The following SORCS2 variants were observed in gnomAD, a reference collection of about 807,000 sequenced individuals.
SORCS2 encodes VPS10 domain-containing receptor SorCS2.
SORCS2 carries 100 observed loss-of-function variants against 141.6 expected under a neutral mutation model. That is an observed-to-expected ratio of 0.71 (90% CI 0.60 to 0.83). SORCS2 has a LOEUF of 0.83. Ranked by LOEUF, SORCS2 falls within the 40% of genes least tolerant of loss-of-function variation. The pLI is 0.00. For missense variants in SORCS2, 1,646 were observed against 1,560.2 expected, an observed-to-expected ratio of 1.05 and a Z score of -0.93; for synonymous variants, 789 against 676.9, an observed-to-expected ratio of 1.17 and a Z score of -2.57.
Position 7,466,852 on chromosome 4 carries a change from C to T in SORCS2, c.549-64678C>T, listed in dbSNP as rs375235825. Among the ~76,000 whole-genome samples, 110 of 152,246 alleles carry T rather than the reference C, an allele frequency of 7.2e-4. 1 individual carries two copies. In the South Asian group the frequency reaches 0.02, roughly 27 times the overall value. On this transcript the variant is annotated intron_variant, in intron 2 of 26. Coordinates refer to ENST00000507866, the MANE Select transcript of SORCS2 (RefSeq NM_020777.3). ...TGGGAGGTCCTGGAACCTGGTTGGACGCTGTCACTTGACCTCTATTTGCCA... is the reference window on the plus strand; with the variant it reads ...TGGGAGGTCCTGGAACCTGGTTGGATGCTGTCACTTGACCTCTATTTGCCA...
At chr4:7,572,487 A>C (rs1715469606) in intron 3 of SORCS2, among the ~76,000 whole-genome samples, 1 of 152,192 alleles carries the variant, frequency 6.6e-6, no homozygotes, top group African/African-American at 2.4e-5. Context: ...TGAGAGCAAT[A>C]AGATATTCAA....
intron 1 of SORCS2, among the ~76,000 whole-genome samples, chr4:7,385,716 C>G (rs888097235): frequency 1.3e-5 from 2 of 152,208 alleles, no homozygotes; most frequent in Admixed American, 1.3e-4. Context: ...GAGGGACAGA[C>G]GCCAGCTCCA....
intron 3 of SORCS2, among the ~76,000 whole-genome samples, chr4:7,620,092 G>T (rs1425179005): frequency 6.6e-6 from 1 of 151,224 alleles, no homozygotes; most frequent in East Asian, 2.0e-4. Context: ...TCCTTCATCT[G>T]CTGGGCTGGG....
chr4:7,630,414 A>C (rs1332367818), intron 3 of SORCS2, among the ~76,000 whole-genome samples: 2 of 152,226 alleles, frequency 1.3e-5, no homozygotes, highest in Non-Finnish European at 2.9e-5. Context: ...CAACACTTGC[A>C]AATGTTTTGC....
chr4:7,324,860 T>G (rs190418212), intron 1 of SORCS2, among the ~76,000 whole-genome samples: 14 of 152,290 alleles, frequency 9.2e-5, no homozygotes, highest in Non-Finnish European at 2.1e-4. Context: ...GAGGGCGGTT[T>G]TGTCACTTCC....
intron 1 of SORCS2, among the ~76,000 whole-genome samples, chr4:7,239,772 G>A (rs190911626): frequency 5.3e-5 from 8 of 152,346 alleles, no homozygotes; most frequent in East Asian, 1.9e-4. Flanking sequence ...TCGGATGTTA[G>A]GGAAGTGAAT....
At chr4:7,394,746 C>G (rs1724095995) in intron 1 of SORCS2, among the ~76,000 whole-genome samples, 1 of 152,092 alleles carries the variant, frequency 6.6e-6, no homozygotes, top group Non-Finnish European at 1.5e-5. Flanking sequence ...GGGTGCGCCC[C>G]AAACCCAGCA....
In SORCS2 at chr4:7,740,730, G is replaced by C. The variant is rs1712603069; in HGVS notation, c.*466G>C. The C allele has an allele frequency of 3.2e-6, 1 of 308,568 alleles. No individual in the cohort carries two copies. Among genetic ancestry groups the C allele is most frequent in the African/African-American group, 2.1e-5 (1 of 47,148 alleles). 19.1% of individuals were successfully genotyped at this position (308,568 alleles called of 1,614,324 possible). On this transcript the variant is annotated 3_prime_UTR_variant, in exon 27 of 27. Transcript: ENST00000507866. ...TCACTCCCACCTGTGCGGCCACCCA[G>C]TCCCTCTGTGGGAGCCCGGGTGCCA...
At chr4:7,600,448 GC>G (rs1273095165) in intron 3 of SORCS2, among the ~76,000 whole-genome samples, 3 of 152,134 alleles carry the variant, frequency 2.0e-5, no homozygotes, top group Non-Finnish European at 4.4e-5. Flanking sequence ...CCCCACCCAA[GC>G]CCGCTGTGCT....
intron 26 of SORCS2, among the ~76,000 whole-genome samples, chr4:7,738,914 C>T (rs778126002): frequency 4.1e-4 from 63 of 152,142 alleles, no homozygotes; most frequent in Non-Finnish European, 7.2e-4. Flanking sequence ...GCCCCACCCC[C>T]GGTGGGGGTC....
intron 10 of SORCS2, 62 bp downstream of exon 10, chr4:7,682,951 A>G (rs1282516058): frequency 1.9e-6 from 3 of 1,564,012 alleles, no homozygotes; most frequent in Non-Finnish European, 1.7e-6. Flanking sequence ...TAACTTCAGT[A>G]ATCAAGAAGG....
intron 3 of SORCS2, among the ~76,000 whole-genome samples, chr4:7,601,153 T>G (rs1405327364): frequency 6.6e-6 from 1 of 152,226 alleles, no homozygotes; most frequent in East Asian, 1.9e-4. Context: ...ATAGACTGCT[T>G]AATGAAGTTT....
chr4:7,738,185 AG>A (rs1290633434), intron 26 of SORCS2, among the ~76,000 whole-genome samples: 1 of 152,172 alleles, frequency 6.6e-6, no homozygotes, highest in Non-Finnish European at 1.5e-5. Context: ...TCTCTGGATG[AG>A]GGGGGAAACT....
intron 3 of SORCS2, among the ~76,000 whole-genome samples, chr4:7,543,335 C>T (rs1293479597): frequency 6.6e-6 from 1 of 152,184 alleles, no homozygotes; most frequent in African/African-American, 2.4e-5. Context: ...ATTCATTCAT[C>T]TATCCACTTA....
intron 3 of SORCS2, among the ~76,000 whole-genome samples, chr4:7,626,395 G>T (rs1323632376): frequency 1.3e-5 from 2 of 152,076 alleles, no homozygotes; most frequent in South Asian, 2.1e-4. Context: ...CATTCCATAG[G>T]TGTTTCACAC....
At chr4:7,339,624 C>G (rs1720246977) in intron 1 of SORCS2, among the ~76,000 whole-genome samples, 1 of 152,144 alleles carries the variant, frequency 6.6e-6, no homozygotes, top group South Asian at 2.1e-4. Flanking sequence ...GTCAGGACAC[C>G]CAGTCATATT....
intron 1 of SORCS2, among the ~76,000 whole-genome samples, chr4:7,381,082 C>CA (rs397745880): frequency 0.019 from 1,979 of 103,914 alleles, 65 homozygotes; most frequent in Middle Eastern, 0.034. Context: ...ACTCTGTCTC[C>CA]AAAAAAAAAA....
chr4:7,639,855 G>C (rs1433994365), intron 4 of SORCS2, among the ~76,000 whole-genome samples: 4 of 148,488 alleles, frequency 2.7e-5, no homozygotes, highest in South Asian at 4.2e-4. Flanking sequence ...GGGTGTGAGG[G>C]TGTGTGTGAT....
At chr4:7,429,596 A>C (rs1233732407) in intron 2 of SORCS2, among the ~76,000 whole-genome samples, 1 of 152,218 alleles carries the variant, frequency 6.6e-6, no homozygotes, top group African/African-American at 2.4e-5. Flanking sequence ...CTTGCCTAGA[A>C]AAGCCCCTTC....
Sources: gnomAD v4.1 joint callset for allele counts (sites outside exome capture counted in the v4.1 genomes callset) on GRCh38, gnomAD v4.1.1 for gene constraint, MANE v1.5 for transcripts, NCBI Gene and HGNC (gene_info 2026-07-23, HGNC 2026-07-21) for gene names.